The following XXYLT1 variants were observed in gnomAD, a reference collection of about 807,000 sequenced individuals.
XXYLT1 encodes the protein UDP-xylose:alpha-xyloside alpha-1,3-xylosyltransferase.
A neutral mutation model predicts 28.9 loss-of-function variants in XXYLT1; 20 were observed. That is an observed-to-expected ratio of 0.69 (90% CI 0.49 to 1.00). The LOEUF is 1.00. Ranked by LOEUF, XXYLT1 falls within the 50% of genes least tolerant of loss-of-function variation. The pLI, the probability that XXYLT1 is intolerant of heterozygous loss-of-function variation, is 0.00. For missense variants in XXYLT1, 542 were observed against 560.1 expected (o/e 0.97, Z 0.33); for synonymous variants, 257 against 253.8 (o/e 1.01, Z -0.12).
chr3:195,243,841 C>T (rs533572675), intron 1 of XXYLT1, among the ~76,000 whole-genome samples: 5 of 152,328 alleles, frequency 3.3e-5, no homozygotes, highest in African/African-American at 7.2e-5. Flanking sequence ...TGACGATTAT[C>T]GCTTCTGCAG....
chr3:195,224,040 C>G (rs370747036), intron 2 of XXYLT1, among the ~76,000 whole-genome samples: 1 of 152,152 alleles, frequency 6.6e-6, no homozygotes, highest in South Asian at 2.1e-4. Flanking sequence ...CCTGTAATCC[C>G]AGCTACTCGA....
intron 3 of XXYLT1, among the ~76,000 whole-genome samples, chr3:195,155,133 T>A (rs974245452): frequency 5.9e-5 from 9 of 152,194 alleles, no homozygotes; most frequent in African/African-American, 2.2e-4. Flanking sequence ...CCCAAGGAGT[T>A]ATCAGCTCAT....
At chr3:195,204,929 A>G (rs775016455) in intron 2 of XXYLT1, among the ~76,000 whole-genome samples, 2 of 152,266 alleles carry the variant, frequency 1.3e-5, no homozygotes, top group African/African-American at 2.4e-5. Context: ...CATGCAAGAT[A>G]ATCCCAATCA....
At position 195,270,789 on chromosome 3, in the gene XXYLT1, C is replaced by T. The variant is rs1017380234; in HGVS notation, c.270G>A (p.Glu90=). Residue 90 remains glutamate (E), a synonymous_variant, in exon 1 of 4, where the codon GAG becomes GAA. Coordinates refer to ENST00000310380, the MANE Select transcript of XXYLT1 (RefSeq NM_152531.5). ...PAPGAKAKSL[E]GGGAGPVDYH... is the part of the protein sequence containing the mutation. ...AGTCCACCGGCCCGGCACCGCCGCC[C>T]TCCAAGCTCTTGGCCTTCGCGCCGG... 9 of 1,562,788 alleles carry T rather than the reference C, an allele frequency of 5.8e-6. No homozygotes were observed. The highest frequency in any genetic ancestry group is 7.8e-6 in the Non-Finnish European group (9 of 1,160,010).
intron 3 of XXYLT1, among the ~76,000 whole-genome samples, chr3:195,139,470 T>C (rs1449024305): frequency 1.3e-5 from 2 of 152,134 alleles, no homozygotes; most frequent in South Asian, 2.1e-4. Flanking sequence ...TTGGCAAAGG[T>C]ACCTCCACGT....
chr3:195,204,673 A>G (rs1283614640), intron 2 of XXYLT1, among the ~76,000 whole-genome samples: 3 of 152,178 alleles, frequency 2.0e-5, no homozygotes, highest in Non-Finnish European at 4.4e-5. Flanking sequence ...CAACTCAAGT[A>G]TCTCACTACC....
At position 195,143,865 on chromosome 3, in the gene XXYLT1, G is replaced by GATAT. The variant is rs1249814105; in HGVS notation, c.785+12580_785+12583dup. On this transcript the variant is annotated intron_variant, in intron 3 of 3. Transcript: ENST00000310380. ...ATAGATATATATATAGATATATATA[G>GATAT]ATATAGATATATATATATATATATT... is the stretch of plus-strand genomic sequence containing the variant. 2.7e-4 allele frequency among the ~76,000 whole-genome samples: 21 copies of GATAT among 76,470 alleles called. 4 individuals are homozygous for GATAT. The highest frequency in any genetic ancestry group is 1.1e-3 in the South Asian group (2 of 1,808). The allele number at this position is 76,470 out of a possible 152,430, so 50.2% of individuals were successfully genotyped here. A position where few individuals can be genotyped will look rare whatever the true frequency, so the allele number is the denominator to read the frequency against.
At chr3:195,254,002 C>T (rs1485553747) in intron 1 of XXYLT1, among the ~76,000 whole-genome samples, 1 of 152,152 alleles carries the variant, frequency 6.6e-6, no homozygotes, top group African/African-American at 2.4e-5. Context: ...GGACAAGTCA[C>T]GGGGGTGCCC....
At chr3:195,163,771 C>T (rs73063103) in intron 2 of XXYLT1, among the ~76,000 whole-genome samples, 6,177 of 152,284 alleles carry the variant, frequency 0.041, 422 homozygotes, top group African/African-American at 0.14. Context: ...AAGACCCAGA[C>T]GACTTCTGCT....
chr3:195,099,627 A>G (rs9859044), intron 3 of XXYLT1, among the ~76,000 whole-genome samples: 76,106 of 151,784 alleles, frequency 0.5, 20,368 homozygotes, highest in East Asian at 0.96. Flanking sequence ...TCAGAAGATC[A>G]AGACCATCCT....
rs35510379 is a variant in XXYLT1 at position 195,117,643 on chromosome 3, AC to A, written c.785+38805del. On this transcript the variant is annotated intron_variant, in intron 3 of 3. Coordinates refer to ENST00000310380, the MANE Select transcript of XXYLT1 (RefSeq NM_152531.5). Reference sequence around the variant, plus strand: ...GGAAACAAAGGGAAAAACTCCATGCACCCCCCTCTCTCACGCACACATGCAT... The same window carrying A: ...GGAAACAAAGGGAAAAACTCCATGCACCCCCTCTCTCACGCACACATGCAT... 2.4e-4 allele frequency among the ~76,000 whole-genome samples: 36 copies of A among 151,912 alleles called. 2 individuals are homozygous for A. The South Asian group carries it at 6.9e-3, about 29-fold the overall frequency.
At chr3:195,241,539 T>C (rs1419345037) in intron 1 of XXYLT1, among the ~76,000 whole-genome samples, 1 of 152,100 alleles carries the variant, frequency 6.6e-6, no homozygotes, top group African/African-American at 2.4e-5. Context: ...GTTTTCCAAT[T>C]AACCTGCACC....
intron 2 of XXYLT1, among the ~76,000 whole-genome samples, chr3:195,197,293 C>T (rs1485628597): frequency 6.6e-6 from 1 of 152,154 alleles, no homozygotes; most frequent in Non-Finnish European, 1.5e-5. Flanking sequence ...AAAAATTAGC[C>T]GGGCGTGGTG....
chr3:195,111,935 G>A (rs1020129824), intron 3 of XXYLT1, among the ~76,000 whole-genome samples: 3 of 152,140 alleles, frequency 2.0e-5, no homozygotes, highest in African/African-American at 4.8e-5. Flanking sequence ...TTCAAATAGC[G>A]CGTGCCTGCT....
chr3:195,120,331 A>G (rs1357945701), intron 3 of XXYLT1, among the ~76,000 whole-genome samples: 1 of 134,598 alleles, frequency 7.4e-6, no homozygotes, highest in Non-Finnish European at 1.5e-5. Context: ...AAAGCCTGGT[A>G]AAGAGCTTCA....
At chr3:195,189,643 T>C (rs1370834250) in intron 2 of XXYLT1, among the ~76,000 whole-genome samples, 1 of 152,072 alleles carries the variant, frequency 6.6e-6, no homozygotes, top group Admixed American at 6.5e-5. Context: ...ATAGATTAAA[T>C]AGAAATTATC....
chr3:195,254,480 C>A (rs1031780969), intron 1 of XXYLT1, among the ~76,000 whole-genome samples: 1 of 152,264 alleles, frequency 6.6e-6, no homozygotes, highest in African/African-American at 2.4e-5. Flanking sequence ...TTGCTCAGCA[C>A]GTCCACGGGG....
chr3:195,167,304 TG>T (rs1721177100), intron 2 of XXYLT1, among the ~76,000 whole-genome samples: 2 of 152,326 alleles, frequency 1.3e-5, no homozygotes, highest in Non-Finnish European at 2.9e-5. Flanking sequence ...ATTATTACTA[TG>T]TTGAGCCGGG....
intron 1 of XXYLT1, among the ~76,000 whole-genome samples, chr3:195,263,891 C>T (rs1398580155): frequency 1.3e-5 from 2 of 152,170 alleles, no homozygotes; most frequent in Non-Finnish European, 2.9e-5. Context: ...AGAGAATGTG[C>T]CAGAAACAGT....
Sources: allele counts gnomAD v4.1 joint callset (sites outside exome capture counted in the v4.1 genomes callset), GRCh38; gene constraint gnomAD v4.1.1; transcripts MANE v1.5; gene names NCBI Gene and HGNC (gene_info 2026-07-23, HGNC 2026-07-21).